The following MYO15A variants were observed in gnomAD, a reference collection of about 807,000 sequenced individuals.
MYO15A encodes the protein myosin XVA, also known as unconventional myosin-XV.
A neutral mutation model predicts 394.6 loss-of-function variants in MYO15A; 308 were observed. That is an observed-to-expected ratio of 0.78 (90% CI 0.71 to 0.86). MYO15A has a LOEUF of 0.86. Ranked by LOEUF, MYO15A falls within the 40% of genes least tolerant of loss-of-function variation. MYO15A has a pLI of 0.00. For synonymous variants in MYO15A, 1,957 were observed against 2,003.8 expected, an observed-to-expected ratio of 0.98 and a Z score of 0.62; for missense variants, 4,606 against 4,799.1, an observed-to-expected ratio of 0.96 and a Z score of 1.19.
rs2045890459 is a variant in MYO15A, at chr17:18,120,347, A to G, written c.1547A>G (p.Glu516Gly). The G allele has an allele frequency of 3.7e-6, 6 of 1,612,286 alleles. No individual in the cohort carries two copies. Among genetic ancestry groups the G allele is most frequent in the Non-Finnish European group, 5.1e-6 (6 of 1,179,960 alleles). The change falls in exon 2 of 66, where the codon GAG becomes GGG. Residue 516 changes from glutamate (E) to glycine (G), a missense_variant. Around this residue, in one of 2 missense-constraint regions of MYO15A, gnomAD observed 1,830 missense variants for 1,689.7 expected, o/e 1.08. Transcript: ENST00000647165. The stretch of plus-strand genomic sequence containing the variant: ...GGGGATGCGGACGAAGAAGAGGACG[A>G]GGAGGAGCTGCCCCCGGTTTCCGCT... ...PLGDADEEED[E>G]EELPPVSAVP...
Position 18,167,633 on chromosome 17 carries a change from C to A in MYO15A, c.9992C>A (p.Ala3331Asp). Residue 3331 changes from alanine (A) to aspartate (D), a missense_variant, in exon 62 of 66, where the codon GCC (alanine) becomes GAC (aspartate). Coordinates refer to ENST00000647165, the MANE Select transcript of MYO15A (RefSeq NM_016239.4). ...YLKGLFSSVP[A>D]SRPSEQLLQQ... ...AAGGGACTCTTCAGCAGTGTGCCGG[C>A]CAGCCGGCCCAGCGAGCAGCTGCTG... 1.9e-6 allele frequency: 3 copies of A among 1,603,826 alleles called. No individual in the cohort carries two copies. The highest frequency in any genetic ancestry group is 2.5e-6 in the Non-Finnish European group (3 of 1,179,936).
chr17:18,123,589 T>C (rs1053422977), intron 2 of MYO15A: 2 of 152,260 alleles, frequency 1.3e-5, no homozygotes, highest in African/African-American at 4.8e-5. Flanking sequence ...AGGCTGAGGG[T>C]GTACACGTGT....
At chr17:18,173,109 G>A (rs1320875900) in intron 64 of MYO15A, among the ~76,000 whole-genome samples, 6 of 152,166 alleles carry the variant, frequency 3.9e-5, no homozygotes, top group Non-Finnish European at 7.4e-5. Flanking sequence ...GCACCTGGAG[G>A]TCAGTCCAGC....
In MYO15A at chr17:18,117,756, G is replaced by A. The variant is rs2045810956; in HGVS notation, c.-219-826G>A. On this transcript the variant is annotated intron_variant, in intron 1 of 65. Transcript: ENST00000647165. The surrounding 1 kb of genome is among the most constrained non-coding windows in gnomAD (Gnocchi z 4.1). ...GAAGCAATCAGCTATGCCCAGAGAAGGCAGTAACCACATGGCCACAGCCTA... is the reference window on the plus strand; with the variant it reads ...GAAGCAATCAGCTATGCCCAGAGAAAGCAGTAACCACATGGCCACAGCCTA... Among the ~76,000 whole-genome samples, 1 of 152,194 alleles carries A rather than the reference G, an allele frequency of 6.6e-6. No homozygotes were observed. Among genetic ancestry groups the A allele is most frequent in the African/African-American group, 2.4e-5 (1 of 41,428 alleles).
In MYO15A at chr17:18,122,055, C is replaced by T. The variant is rs746651600; in HGVS notation, c.3255C>T (p.Pro1085=). 1 of 1,612,854 alleles carries T rather than the reference C, an allele frequency of 6.2e-7. No homozygotes were observed. Among genetic ancestry groups the T allele is most frequent in the African/African-American group, 1.3e-5 (1 of 74,948 alleles). The change falls in exon 2 of 66, where the codon CCC becomes CCT. Residue 1085 remains proline (P), a synonymous_variant. Transcript: ENST00000647165. ...WPPWHRWGTL[P]QAAAPLAPIR... ...CATGGCACCGCTGGGGAACACTGCC[C>T]CAAGCCGCAGCCCCCTTGGCGCCCA...
chr17:18,164,690 A>G (rs772625434), intron 60 of MYO15A: 1 of 151,796 alleles, frequency 6.6e-6, no homozygotes, highest in African/African-American at 2.4e-5. Flanking sequence ...AAATTAGCCA[A>G]CCATGGTAGT....
At chr17:18,135,891 C>A in intron 13 of MYO15A, 67 bp downstream of exon 13, 1 of 1,450,816 alleles carries the variant, frequency 6.9e-7, no homozygotes, top group Non-Finnish European at 9.5e-7. Flanking sequence ...GCTGCTTGTG[C>A]CGATCCTTTG....
At chr17:18,138,032 C>T (rs2046310392) in intron 16 of MYO15A, 83 bp from the exon 17 acceptor site, 2 of 1,444,890 alleles carry the variant, frequency 1.4e-6, no homozygotes, top group South Asian at 1.2e-5. Context: ...TGGCCAGGCT[C>T]CTTCAGATTC....
Position 18,131,475 on chromosome 17 carries a change from A to G in MYO15A, c.4150A>G (p.Ile1384Val), listed in dbSNP as rs2046163641. 4 of 1,613,624 alleles carry G rather than the reference A, an allele frequency of 2.5e-6. No homozygotes were observed. In the South Asian group the frequency reaches 3.3e-5, roughly 13 times the overall value. The change falls in exon 10 of 66, where the codon ATC becomes GTC. Residue 1384 changes from isoleucine (I) to valine (V), a missense_variant. Physicochemically the swap from Ile to Val is conservative, Grantham distance 29. Coordinates refer to ENST00000647165, the MANE Select transcript of MYO15A (RefSeq NM_016239.4). ...CTGTGCTCCCCACCCCAGGGGCGTG[A>G]TCTCTGGTGCCATAACCTCCCAGTA... Reference protein sequence around the residue: ...FVEIFLEGGVISGAITSQYLL... With the variant: ...FVEIFLEGGVVSGAITSQYLL...
intron 29 of MYO15A, among the ~76,000 whole-genome samples, 175 bp downstream of exon 29, chr17:18,144,767 T>A (rs1487176335): frequency 7.0e-6 from 1 of 142,944 alleles, no homozygotes; most frequent in African/African-American, 2.7e-5. Flanking sequence ...CTCTGAGGAC[T>A]GGTGGCTTTT....
chr17:18,125,081 A>T (rs1297097808), intron 3 of MYO15A, 87 bp from the exon 4 acceptor site: 2 of 1,280,092 alleles, frequency 1.6e-6, no homozygotes, highest in Non-Finnish European at 2.3e-6. Flanking sequence ...GGCCTATCTG[A>T]TCAAGGCACT....
In MYO15A at chr17:18,142,265, G is replaced by A. The variant is rs1375256909; in HGVS notation, c.5825+11G>A. ...TGGCTACCTTGCCAGGTGAGGCACA[G>A]AAAAGGCAGGATTCCTAGGAGACCT... is the stretch of plus-strand genomic sequence containing the variant. On this transcript the variant is annotated intron_variant, in intron 24 of 65. Transcript: ENST00000647165. 1 of 1,610,076 alleles carries A rather than the reference G, an allele frequency of 6.2e-7. No individual in the cohort carries two copies. Among genetic ancestry groups the A allele is most frequent in the Non-Finnish European group, 8.5e-7 (1 of 1,178,982 alleles).
chr17:18,170,299 C>T (rs2046921620), intron 62 of MYO15A, among the ~76,000 whole-genome samples: 1 of 151,872 alleles, frequency 6.6e-6, no homozygotes, highest in South Asian at 2.1e-4. Flanking sequence ...GCCTGTAACA[C>T]AGTAAGGGCT....
chr17:18,178,131 G>A (rs2047041049), intron 65 of MYO15A: 1 of 157,040 alleles, frequency 6.4e-6, no homozygotes, highest in African/African-American at 2.4e-5. Context: ...CAGCACTTTG[G>A]GAGGCCGAGG....
intron 54 of MYO15A, 61 bp from the exon 55 acceptor site, chr17:18,159,545 C>G: frequency 6.3e-7 from 1 of 1,592,776 alleles, no homozygotes; most frequent in Non-Finnish European, 8.6e-7. Flanking sequence ...CCTGGGGCTT[C>G]CTGGGGTGGG....
Position 18,155,400 on chromosome 17 carries a change from C to A in MYO15A, c.8427C>A (p.Ala2809=), listed in dbSNP as rs772479492. ...LLRMVKGGQE[A]GGQLRVLRAY... ...GGATGGTCAAGGGTGGCCAGGAGGC[C>A]GGCGGGCAGCTGCGGGTCCTGCGTG... Residue 2809 remains alanine, a synonymous_variant, in exon 47 of 66, where the codon GCC becomes GCA. Coordinates refer to ENST00000647165, the MANE Select transcript of MYO15A (RefSeq NM_016239.4). 2 of 1,613,494 alleles carry A rather than the reference C, an allele frequency of 1.2e-6. No homozygotes were observed. The highest frequency in any genetic ancestry group is 2.7e-5 in the African/African-American group (2 of 75,028).
intron 59 of MYO15A, 84 bp downstream of exon 59, chr17:18,163,405 AGCC>A (rs1463839263): frequency 7.3e-7 from 1 of 1,374,536 alleles, no homozygotes; most frequent in African/African-American, 1.4e-5. Context: ...GGGTGGAGTA[AGCC>A]CCCAATGATG....
rs767327261 is a variant in MYO15A at position 18,133,335 on chromosome 17, C to T, written c.4431C>T (p.Arg1477=). 9.3e-6 allele frequency: 15 copies of T among 1,614,092 alleles called. No homozygotes were observed. The highest frequency in any genetic ancestry group is 4.0e-5 in the African/African-American group (3 of 74,934). The change falls in exon 12 of 66, where the codon CGC becomes CGT. Residue 1477 remains arginine (R), a synonymous_variant. Transcript: ENST00000647165. The stretch of plus-strand genomic sequence containing the variant: ...GTGAGGACCAGGACAGCATCTTCCG[C>T]ATCCTGGCCTCCATCCTGCACCTGG... ...FSSEDQDSIF[R]ILASILHLGN...
rs1200615655 is a variant in MYO15A, at chr17:18,156,964, A to G, written c.8612A>G (p.Tyr2871Cys). ...CTCTGGCTGACCCAGGACTCTGACT[A>G]CGTGGTCGCTGTGAGGAACTTCCTG... ...FILELKKDSD[Y>C]VVAVRNFLPE... The change falls in exon 49 of 66, where the codon TAC becomes TGC. Residue 2871 changes from tyrosine to cysteine, a missense_variant. Physicochemically the swap from Tyr to Cys is radical, Grantham distance 194. Coordinates refer to ENST00000647165, the MANE Select transcript of MYO15A (RefSeq NM_016239.4). The G allele has an allele frequency of 6.2e-7, 1 of 1,614,002 alleles. No homozygotes were observed. Among genetic ancestry groups the G allele is most frequent in the African/African-American group, 1.3e-5 (1 of 74,936 alleles).
Sources: gnomAD v4.1 joint callset for allele counts (sites outside exome capture counted in the v4.1 genomes callset) on GRCh38, gnomAD v4.1.1 for gene constraint, gnomAD v4.1.1 regional missense constraint, Gnocchi (gnomAD v3.1) non-coding constraint, MANE v1.5 for transcripts, NCBI Gene and HGNC (gene_info 2026-07-23, HGNC 2026-07-21) for gene names.